The following VSTM2L variants were observed in gnomAD, a reference collection of about 807,000 sequenced individuals.
VSTM2L encodes the protein V-set and transmembrane domain containing 2 like.
Under a neutral mutation model 19.9 loss-of-function variants are expected in VSTM2L, and 9 were observed. The observed-to-expected ratio is 0.45, with a 90% CI of 0.27 to 0.79. The LOEUF (loss-of-function observed/expected upper bound fraction) is 0.79. VSTM2L is among the 30% of genes least tolerant of loss of function. VSTM2L has a pLI of 0.15. For synonymous variants in VSTM2L, 127 were observed against 133.8 expected, an observed-to-expected ratio of 0.95 and a Z score of 0.35; for missense variants, 286 against 295.5, an observed-to-expected ratio of 0.97 and a Z score of 0.24.
chr20:37,906,212 G>A lies in VSTM2L; in HGVS notation c.121+2741G>A, dbSNP rs571307770. 3.9e-5 allele frequency among the ~76,000 whole-genome samples: 6 copies of A among 152,186 alleles called. No homozygotes were observed. The South Asian group carries it at 6.2e-4, about 16-fold the overall frequency. The stretch of plus-strand genomic sequence containing the variant: ...GGAGCTTGTCACAGGGAAAGCCTGC[G>A]GTCAGATGGGTCAGAAAGGACATCT... On this transcript the variant is annotated intron_variant, in intron 1 of 3. Transcript: ENST00000373461.
intron 3 of VSTM2L, among the ~76,000 whole-genome samples, chr20:37,935,849 C>A (rs1414865106): frequency 6.6e-6 from 1 of 151,326 alleles, no homozygotes; most frequent in South Asian, 2.1e-4. Context: ...CACAGACATA[C>A]GCCCAGGCCA....
chr20:37,942,569 A>G (rs1264786880), intron 3 of VSTM2L, among the ~76,000 whole-genome samples: 2 of 152,254 alleles, frequency 1.3e-5, no homozygotes, highest in Admixed American at 6.5e-5. Context: ...GAAAGAAGCC[A>G]CCCATACAAG....
At chr20:37,920,380 G>A (rs950847899) in intron 1 of VSTM2L, among the ~76,000 whole-genome samples, 5 of 152,358 alleles carry the variant, frequency 3.3e-5, no homozygotes, top group South Asian at 2.1e-4. Flanking sequence ...ATGATGCCAC[G>A]GGGCTGCTGG....
chr20:37,912,811 C>G (rs1245745171), intron 1 of VSTM2L, among the ~76,000 whole-genome samples: 2 of 152,110 alleles, frequency 1.3e-5, no homozygotes, highest in Non-Finnish European at 2.9e-5. Context: ...CTCTCTGGAT[C>G]TCTCTCTCTC....
intron 1 of VSTM2L, among the ~76,000 whole-genome samples, chr20:37,921,838 CTT>C (rs756122087): frequency 2.1e-4 from 19 of 91,762 alleles, no homozygotes; most frequent in African/African-American, 7.8e-4. Flanking sequence ...CTTTCTTTTC[CTT>C]TTTTTTTTTT....
chr20:37,914,354 T>G (rs1436313167), intron 1 of VSTM2L, among the ~76,000 whole-genome samples: 14 of 854 alleles, frequency 0.016, no homozygotes, highest in East Asian at 0.028. Context: ...TGCATGTGTG[T>G]GGGGTGTTTA....
At chr20:37,943,783 T>C (rs1465269582) in intron 3 of VSTM2L, among the ~76,000 whole-genome samples, 198 bp from the exon 4 acceptor site, 1 of 152,156 alleles carries the variant, frequency 6.6e-6, no homozygotes, top group Non-Finnish European at 1.5e-5. Flanking sequence ...TGCTTAGTTA[T>C]GTGGTCTGTT....
At chr20:37,927,181 T>G (rs2072883497) in intron 1 of VSTM2L, among the ~76,000 whole-genome samples, 1 of 152,198 alleles carries the variant, frequency 6.6e-6, no homozygotes. Context: ...GCCAGGCTGG[T>G]CTTGAACTCC....
chr20:37,939,723 T>C (rs1208814711), intron 3 of VSTM2L, among the ~76,000 whole-genome samples: 1 of 152,170 alleles, frequency 6.6e-6, no homozygotes, highest in Non-Finnish European at 1.5e-5. Flanking sequence ...TGTCAGCTCG[T>C]GCCAGCATTA....
rs369888979 is a variant in VSTM2L, at chr20:37,943,999, A to G, written c.361A>G (p.Ser121Gly). ...CCCCCAGGTGGTCAAGGTGGTGGGC[A>G]GCAACATCTCCCACAAGCTGCGCCT... Reference protein sequence around the residue: ...TKISVVKVVGSNISHKLRLSR... With the variant: ...TKISVVKVVGGNISHKLRLSR... The change falls in exon 4 of 4, where the codon AGC becomes GGC. Residue 121 changes from serine (S) to glycine (G), a missense_variant. Transcript: ENST00000373461. 7.2e-7 allele frequency: 1 copy of G among 1,394,964 alleles called. No homozygotes were observed. The highest frequency in any genetic ancestry group is 9.6e-7 in the Non-Finnish European group (1 of 1,039,578). 86.4% of individuals were successfully genotyped at this position (1,394,964 alleles called of 1,614,324 possible). A position where few individuals can be genotyped will look rare whatever the true frequency, so the allele number is the denominator to read the frequency against.
rs781264256 is a variant in VSTM2L, at chr20:37,944,091, G to A, written c.453G>A (p.Lys151=). ...GCGTCATCGACTTCAGCGACGGCAA[G>A]GCCCGGCACCACAAGGTCAAGGCCT... ...ECRVIDFSDG[K]ARHHKVKAYL... Residue 151 remains lysine, a synonymous_variant, in exon 4 of 4, where the codon AAG becomes AAA. Coordinates refer to ENST00000373461, the MANE Select transcript of VSTM2L (RefSeq NM_080607.3). 1.5e-5 allele frequency: 25 copies of A among 1,612,918 alleles called. No homozygotes were observed. In the East Asian group the frequency reaches 3.8e-4, roughly 24 times the overall value.
chr20:37,906,198 C>G (rs1338521902), intron 1 of VSTM2L, among the ~76,000 whole-genome samples: 1 of 152,270 alleles, frequency 6.6e-6, no homozygotes, highest in South Asian at 2.1e-4. Flanking sequence ...GAGCTTGTCA[C>G]AGGGAAAGCC....
At chr20:37,922,904 C>A (rs770273123) in intron 1 of VSTM2L, among the ~76,000 whole-genome samples, 1 of 151,262 alleles carries the variant, frequency 6.6e-6, no homozygotes, top group East Asian at 1.9e-4. Context: ...GCAGGGCCCA[C>A]GCGTGAGTAA....
At position 37,944,222 on chromosome 20, in the gene VSTM2L, G is replaced by T; in HGVS notation, c.584G>T (p.Arg195Leu). 3 of 1,454,280 alleles carry T rather than the reference G, an allele frequency of 2.1e-6. No individual in the cohort carries two copies. The highest frequency in any genetic ancestry group is 2.7e-6 in the Non-Finnish European group (3 of 1,091,150). The allele number at this position is 1,454,280 out of a possible 1,614,324, so 90.1% of individuals were successfully genotyped here. Residue 195 changes from arginine (R) to leucine (L), a missense_variant, in exon 4 of 4, where the codon CGC becomes CTC. By Grantham distance (102) the Arg-to-Leu change is moderately radical. Coordinates refer to ENST00000373461, the MANE Select transcript of VSTM2L (RefSeq NM_080607.3). The part of the protein sequence containing the change: ...PPKPGKELRK[R>L]SVDQEACSL ...AAGCCAGGCAAGGAGCTGAGGAAGC[G>T]CTCGGTGGACCAGGAGGCCTGCAGC...
chr20:37,918,108 A>T (rs2072830118), intron 1 of VSTM2L, among the ~76,000 whole-genome samples: 1 of 152,264 alleles, frequency 6.6e-6, no homozygotes, highest in Non-Finnish European at 1.5e-5. Context: ...TCATTCCTTA[A>T]GTGGGTGTTA....
At chr20:37,914,716 C>T (rs1231118067) in intron 1 of VSTM2L, among the ~76,000 whole-genome samples, 1 of 152,146 alleles carries the variant, frequency 6.6e-6, no homozygotes, top group African/African-American at 2.4e-5. Flanking sequence ...CAGCAGGCAT[C>T]GGGCTCCCAT....
Position 37,903,443 on chromosome 20 carries a change from GC to G in VSTM2L, c.96del (p.Trp33GlyfsTer18). ...GGATRPAGHA[P>X]WDNHVSGHAL... is the part of the protein sequence containing the mutation. The stretch of plus-strand genomic sequence containing the variant: ...GCGCCACGCGGCCCGCCGGCCACGC[GC>G]CCTGGGACAACCACGTCTCCGGCCA... On this transcript the variant is annotated frameshift_variant, in exon 1 of 4. Coordinates refer to ENST00000373461, the MANE Select transcript of VSTM2L (RefSeq NM_080607.3). LOFTEE classifies it high-confidence loss of function. The G allele has an allele frequency of 6.7e-7, 1 of 1,485,350 alleles. No homozygotes were observed. The highest frequency in any genetic ancestry group is 1.3e-5 in the South Asian group (1 of 79,222). The allele number at this position is 1,485,350 out of a possible 1,614,324, so 92.0% of individuals were successfully genotyped here. A position where few individuals can be genotyped will look rare whatever the true frequency, so the allele number is the denominator to read the frequency against.
At chr20:37,913,048 T>C (rs2122940800) in intron 1 of VSTM2L, among the ~76,000 whole-genome samples, 1 of 152,230 alleles carries the variant, frequency 6.6e-6, no homozygotes, top group Non-Finnish European at 1.5e-5. Flanking sequence ...CATCTCAGGA[T>C]TACACATACA....
At chr20:37,922,825 C>T (rs1485386493) in intron 1 of VSTM2L, among the ~76,000 whole-genome samples, 1 of 152,066 alleles carries the variant, frequency 6.6e-6, no homozygotes, top group Non-Finnish European at 1.5e-5. Flanking sequence ...CCACTGGCTC[C>T]CAGGAGCCAT....
Sources: gnomAD v4.1 joint callset for allele counts (sites outside exome capture counted in the v4.1 genomes callset) on GRCh38, gnomAD v4.1.1 for gene constraint, MANE v1.5 for transcripts, NCBI Gene and HGNC (gene_info 2026-07-23, HGNC 2026-07-21) for gene names.